COL26A1: variants seen among roughly 807,000 people sequenced by gnomAD.
COL26A1 encodes the protein collagen type XXVI alpha 1 chain.
A neutral mutation model predicts 59.3 loss-of-function variants in COL26A1; 41 were observed. The observed-to-expected ratio is 0.69, with a 90% CI of 0.54 to 0.90. The LOEUF is 0.90. Ranked by LOEUF, COL26A1 falls within the 40% of genes least tolerant of loss-of-function variation. The probability of loss-of-function intolerance (pLI) is 0.00; values close to 1 mark genes in which losing one functional copy is unlikely to be tolerated. For synonymous variants in COL26A1, 266 were observed against 256.0 expected (o/e 1.04, Z -0.37); for missense variants, 612 against 602.3 (o/e 1.02, Z -0.17).
chr7:101,458,024 G>A (rs376157747), intron 3 of COL26A1, among the ~76,000 whole-genome samples: 134 of 151,438 alleles, frequency 8.8e-4, no homozygotes, highest in African/African-American at 3.2e-3. Context: ...AGCCTCCCAA[G>A]TAGCTGGGAC....
chr7:101,547,157 T>TGG lies in COL26A1; in HGVS notation c.859_860dup (p.Asp288GlufsTer62). Reference sequence around the variant, plus strand: ...CTGGCCGCTCCGCTCTTCCCACAGATGGAGACTCAAGGCTGGCCTCTGCCA... The same window carrying TGG: ...CTGGCCGCTCCGCTCTTCCCACAGATGGGGAGACTCAAGGCTGGCCTCTGCCA... On this transcript the variant is annotated frameshift_variant and splice_region_variant, in exon 8 of 13. Coordinates refer to ENST00000313669, the MANE Select transcript of COL26A1 (RefSeq NM_001278563.3). LOFTEE classifies it high-confidence loss of function. The TGG allele has an allele frequency of 1.3e-6, 2 of 1,592,430 alleles. No homozygotes were observed. The highest frequency in any genetic ancestry group is 8.5e-7 in the Non-Finnish European group (1 of 1,171,072).
intron 3 of COL26A1, among the ~76,000 whole-genome samples, chr7:101,454,346 C>G (rs1256098037): frequency 6.6e-6 from 1 of 150,386 alleles, no homozygotes; most frequent in Non-Finnish European, 1.5e-5. Context: ...CTCACTGCAA[C>G]CTCCCAGGTT....
intron 3 of COL26A1, among the ~76,000 whole-genome samples, chr7:101,455,878 G>A (rs189808048): frequency 6.6e-6 from 1 of 151,960 alleles, no homozygotes; most frequent in African/African-American, 2.4e-5. Context: ...TAGAGACGAG[G>A]TTTTACCATG....
intron 1 of COL26A1, among the ~76,000 whole-genome samples, chr7:101,367,902 GACT>G (rs779891390): frequency 6.6e-6 from 1 of 152,172 alleles, no homozygotes; most frequent in Admixed American, 6.6e-5. Context: ...ACCTTGAGCT[GACT>G]AACAGAAGGA....
At chr7:101,362,388 G>T (rs865952221), upstream of COL26A1, among the ~76,000 whole-genome samples, 2 of 152,158 alleles carry the variant, frequency 1.3e-5, no homozygotes, top group Non-Finnish European at 1.5e-5. Context: ...GCAGGTGGGG[G>T]CTGGAGGTTA....
At chr7:101,372,753 T>C (rs1257102018) in intron 1 of COL26A1, among the ~76,000 whole-genome samples, 1 of 151,642 alleles carries the variant, frequency 6.6e-6, no homozygotes, top group East Asian at 2.0e-4. Context: ...CCCAGCACTT[T>C]GGGAGGCCAA....
chr7:101,377,134 C>T (rs1791336853), intron 1 of COL26A1, among the ~76,000 whole-genome samples: 1 of 152,158 alleles, frequency 6.6e-6, no homozygotes, highest in Non-Finnish European at 1.5e-5. Context: ...GCTGGGATTA[C>T]AGGCCTGAGC....
intron 2 of COL26A1, among the ~76,000 whole-genome samples, chr7:101,426,309 A>G (rs1792646499): frequency 6.6e-6 from 1 of 152,072 alleles, no homozygotes; most frequent in Non-Finnish European, 1.5e-5. Flanking sequence ...GGCTTGTGTC[A>G]TCACTATAAA....
chr7:101,405,857 G>T (rs367639872), intron 1 of COL26A1, among the ~76,000 whole-genome samples: 2 of 152,182 alleles, frequency 1.3e-5, no homozygotes, highest in Non-Finnish European at 2.9e-5. Context: ...AGCCCTTCCC[G>T]CCAGTGCGCA....
At chr7:101,530,431 G>A (rs535752790) in intron 3 of COL26A1, among the ~76,000 whole-genome samples, 4 of 151,878 alleles carry the variant, frequency 2.6e-5, no homozygotes, top group Non-Finnish European at 4.4e-5. Context: ...AGCCGGGCGT[G>A]GTGATGCGTG....
In COL26A1 at chr7:101,470,865, C is replaced by T. The variant is rs887886332; in HGVS notation, c.385+23078C>T. 7.9e-5 allele frequency among the ~76,000 whole-genome samples: 12 copies of T among 152,180 alleles called. No individual in the cohort carries two copies. In the East Asian group the frequency reaches 2.3e-3, roughly 29 times the overall value. On this transcript the variant is annotated intron_variant, in intron 3 of 12. Transcript: ENST00000313669. ...TCCCACCCTCTAGTCACGTGGCTGGCTTCTCTGGCCCCCACCCTCTCACCC... is the reference window on the plus strand; with the variant it reads ...TCCCACCCTCTAGTCACGTGGCTGGTTTCTCTGGCCCCCACCCTCTCACCC...
intron 2 of COL26A1, among the ~76,000 whole-genome samples, chr7:101,422,898 C>T (rs1792558067): frequency 6.6e-6 from 1 of 152,208 alleles, no homozygotes; most frequent in African/African-American, 2.4e-5. Flanking sequence ...GCCTCAGCCT[C>T]TCAAATTGCT....
At chr7:101,436,293 G>A (rs1182785938) in intron 2 of COL26A1, among the ~76,000 whole-genome samples, 12 of 152,052 alleles carry the variant, frequency 7.9e-5, no homozygotes, top group Admixed American at 7.9e-4. Flanking sequence ...CCTCCCCGCT[G>A]GCCTGCAGCT....
At chr7:101,454,661 G>C (rs1285744490) in intron 3 of COL26A1, among the ~76,000 whole-genome samples, 1 of 152,152 alleles carries the variant, frequency 6.6e-6, no homozygotes, top group Non-Finnish European at 1.5e-5. Flanking sequence ...TAGCGCTGAA[G>C]TGCTCTCTGG....
intron 1 of COL26A1, among the ~76,000 whole-genome samples, chr7:101,371,059 A>G (rs1174302367): frequency 6.6e-6 from 1 of 152,152 alleles, no homozygotes; most frequent in Non-Finnish European, 1.5e-5. Flanking sequence ...GCAAGCGTGC[A>G]TGAGCTGGAG....
chr7:101,513,071 A>G (rs1794959567), intron 3 of COL26A1, among the ~76,000 whole-genome samples: 1 of 151,956 alleles, frequency 6.6e-6, no homozygotes, highest in Admixed American at 6.5e-5. Flanking sequence ...CAATGGCATG[A>G]TTTTGGCTCA....
chr7:101,471,572 T>TTTG (rs1562997619), intron 3 of COL26A1, among the ~76,000 whole-genome samples: 4 of 50,020 alleles, frequency 8.0e-5, no homozygotes, highest in African/African-American at 2.1e-4. Flanking sequence ...TTGTTGTTTG[T>TTTG]TTTTTTTTTT....
chr7:101,508,734 G>A (rs1794863275), intron 3 of COL26A1, among the ~76,000 whole-genome samples: 1 of 152,166 alleles, frequency 6.6e-6, no homozygotes. Context: ...AAGGAGGAGA[G>A]ACCCCTAATC....
chr7:101,385,286 ATGTG>A (rs1311255345), intron 1 of COL26A1, among the ~76,000 whole-genome samples: 3 of 149,800 alleles, frequency 2.0e-5, no homozygotes, highest in Non-Finnish European at 4.4e-5. Flanking sequence ...TATATATAGT[ATGTG>A]TGTGTATATA....
Sources: allele counts gnomAD v4.1 joint callset (sites outside exome capture counted in the v4.1 genomes callset), GRCh38; gene constraint gnomAD v4.1.1; transcripts MANE v1.5; gene names NCBI Gene and HGNC (gene_info 2026-07-23, HGNC 2026-07-21).